Variants in AFG1L observed in about 807,000 individuals in gnomAD.
AFG1L encodes AFG1-like ATPase.
A neutral mutation model predicts 62.2 loss-of-function variants in AFG1L; 53 were observed. That is an observed-to-expected ratio of 0.85 (90% CI 0.68 to 1.07). The LOEUF (loss-of-function observed/expected upper bound fraction) is 1.07, where lower values mean the gene tolerates loss of function less well. Among genes scored for constraint, AFG1L ranks in the 50% least tolerant of loss-of-function variants. The pLI, the probability that AFG1L is intolerant of heterozygous loss-of-function variation, is 0.00. For synonymous variants in AFG1L, 228 were observed against 210.3 expected (o/e 1.08, Z -0.73); for missense variants, 555 against 590.5 (o/e 0.94, Z 0.62).
At chr6:108,475,795 G>A (rs959845650) in intron 8 of AFG1L, among the ~76,000 whole-genome samples, 1 of 152,164 alleles carries the variant, frequency 6.6e-6, no homozygotes, top group Non-Finnish European at 1.5e-5. Flanking sequence ...GAAGAATTGG[G>A]TGCTTGTGTA....
intron 6 of AFG1L, among the ~76,000 whole-genome samples, chr6:108,369,654 G>C (rs986686899): frequency 2.6e-5 from 4 of 151,816 alleles, no homozygotes; most frequent in Non-Finnish European, 4.4e-5. Context: ...CTGTCGCCCA[G>C]ACTGGGGTGC....
At chr6:108,385,307 G>T (rs988046978) in intron 6 of AFG1L, among the ~76,000 whole-genome samples, 1 of 152,230 alleles carries the variant, frequency 6.6e-6, no homozygotes, top group East Asian at 1.9e-4. Context: ...GCTGAAGGTT[G>T]TGGGTGTACT....
intron 2 of AFG1L, among the ~76,000 whole-genome samples, chr6:108,327,955 G>A (rs1367737195): frequency 6.6e-6 from 1 of 152,172 alleles, no homozygotes; most frequent in East Asian, 1.9e-4. Context: ...TGTGAGCATG[G>A]CAGTTGCTCT....
intron 10 of AFG1L, among the ~76,000 whole-genome samples, chr6:108,504,855 T>C (rs558307148): frequency 2.6e-5 from 4 of 152,260 alleles, no homozygotes; most frequent in South Asian, 4.1e-4. Context: ...GGCAGCCTTA[T>C]TGGGTTAGTG....
intron 1 of AFG1L, among the ~76,000 whole-genome samples, chr6:108,299,855 G>C (rs1295439671): frequency 6.6e-6 from 1 of 152,092 alleles, no homozygotes; most frequent in African/African-American, 2.4e-5. Flanking sequence ...AGCAGAAGAA[G>C]GGGGCCTCAT....
chr6:108,465,901 T>A (rs1324894462), intron 8 of AFG1L, among the ~76,000 whole-genome samples: 1 of 152,114 alleles, frequency 6.6e-6, no homozygotes, highest in Non-Finnish European at 1.5e-5. Context: ...GTGACACTTT[T>A]TTAAAGTGTC....
chr6:108,413,487 C>A (rs1436473211), intron 7 of AFG1L, among the ~76,000 whole-genome samples: 2 of 152,206 alleles, frequency 1.3e-5, no homozygotes, highest in Non-Finnish European at 2.9e-5. Flanking sequence ...CCACATCACA[C>A]TTATTCCAAA....
intron 8 of AFG1L, among the ~76,000 whole-genome samples, chr6:108,465,861 A>G (rs1433109017): frequency 6.6e-6 from 1 of 151,920 alleles, no homozygotes; most frequent in African/African-American, 2.4e-5. Context: ...TAACTTTTTT[A>G]AAGAGTTATG....
chr6:108,501,469 G>A (rs964114889), intron 10 of AFG1L, among the ~76,000 whole-genome samples: 1 of 152,202 alleles, frequency 6.6e-6, no homozygotes, highest in Non-Finnish European at 1.5e-5. Context: ...GCTAACTGCT[G>A]CAACAAATAA....
intron 10 of AFG1L, among the ~76,000 whole-genome samples, chr6:108,505,976 A>G (rs936261042): frequency 1.3e-5 from 2 of 152,230 alleles, no homozygotes; most frequent in African/African-American, 4.8e-5. Context: ...CACACTAGTC[A>G]TCATGCTTAC....
intron 7 of AFG1L, among the ~76,000 whole-genome samples, chr6:108,409,249 G>T (rs1472908801): frequency 6.6e-6 from 1 of 152,152 alleles, no homozygotes; most frequent in African/African-American, 2.4e-5. Flanking sequence ...TTTCTGGAAT[G>T]ATCTTGTATT....
At chr6:108,473,703 G>T (rs7741074) in intron 8 of AFG1L, among the ~76,000 whole-genome samples, 1 of 151,666 alleles carries the variant, frequency 6.6e-6, no homozygotes, top group Non-Finnish European at 1.5e-5. Flanking sequence ...GATTGCAGGC[G>T]CATGCCACCA....
chr6:108,323,481 C>A (rs1198846467), intron 1 of AFG1L, among the ~76,000 whole-genome samples: 1 of 152,054 alleles, frequency 6.6e-6, no homozygotes, highest in Non-Finnish European at 1.5e-5. Context: ...CGTGCCTCAG[C>A]CCCCCAGGTA....
chr6:108,436,558 T>G (rs1183850291), intron 7 of AFG1L, among the ~76,000 whole-genome samples: 1 of 152,162 alleles, frequency 6.6e-6, no homozygotes, highest in African/African-American at 2.4e-5. Context: ...GCAACAGATG[T>G]AGGATTTTGT....
intron 7 of AFG1L, among the ~76,000 whole-genome samples, chr6:108,422,602 C>T (rs1454748395): frequency 6.6e-6 from 1 of 150,856 alleles, no homozygotes; most frequent in Non-Finnish European, 1.5e-5. Context: ...ATCAGAATAG[C>T]ATCTCTAAGT....
chr6:108,303,113 C>T (rs892531855), intron 1 of AFG1L, among the ~76,000 whole-genome samples: 12 of 152,022 alleles, frequency 7.9e-5, no homozygotes, highest in African/African-American at 2.4e-4. Flanking sequence ...GGTTTTGCCA[C>T]GTTGGCCAGG....
chr6:108,397,264 A>T (rs1781357136), intron 6 of AFG1L, among the ~76,000 whole-genome samples: 2 of 152,162 alleles, frequency 1.3e-5, no homozygotes, highest in South Asian at 4.2e-4. Context: ...AGTAGCTGGG[A>T]TAACAGGCGT....
chr6:108,525,977 A>G lies in AFG1L; in HGVS notation c.*3552A>G, dbSNP rs898462960. ...TGCAGCAAGTCTGTAAGTTACCTTT[A>G]TTAGATTTACTAATCTCAAAAGAAG... On this transcript the variant is annotated 3_prime_UTR_variant, in exon 13 of 13. Coordinates refer to ENST00000368977, the MANE Select transcript of AFG1L (RefSeq NM_145315.5). 2.0e-5 allele frequency: 3 copies of G among 152,186 alleles called. No individual in the cohort carries two copies. Among genetic ancestry groups the G allele is most frequent in the African/African-American group, 2.4e-5 (1 of 41,442 alleles). The allele number at this position is 152,186 out of a possible 1,614,324, so 9.4% of individuals were successfully genotyped here.
chr6:108,307,975 T>C (rs942570116), intron 1 of AFG1L, among the ~76,000 whole-genome samples: 6 of 152,236 alleles, frequency 3.9e-5, no homozygotes, highest in African/African-American at 1.4e-4. Flanking sequence ...TAGGCTCTTT[T>C]GTGACATGCA....
Sources: allele counts gnomAD v4.1 joint callset (sites outside exome capture counted in the v4.1 genomes callset), GRCh38; gene constraint gnomAD v4.1.1; transcripts MANE v1.5; gene names NCBI Gene and HGNC (gene_info 2026-07-23, HGNC 2026-07-21).